AGK: variants seen among roughly 807,000 people sequenced by gnomAD.
The protein encoded by AGK is acylglycerol kinase.
In AGK, 52 loss-of-function variants were observed where a neutral mutation model predicts 66.4. The observed-to-expected ratio is 0.78, with a 90% CI of 0.63 to 0.99. The LOEUF is 0.99. AGK is among the 50% of genes least tolerant of loss of function. The probability of loss-of-function intolerance (pLI) is 0.00; values close to 1 mark genes in which losing one functional copy is unlikely to be tolerated. For synonymous variants in AGK, 182 were observed against 181.1 expected, an observed-to-expected ratio of 1.00 and a Z score of -0.04; for missense variants, 451 against 506.6, an observed-to-expected ratio of 0.89 and a Z score of 1.05.
rs1431769820 is a variant in AGK, at chr7:141,591,109, T to G, written c.102-2037T>G. ...TTTTTTTTTTTTTTTTTTTTTTTTT[T>G]GAGACAGAGTCTCACTCTGTAGCCC... On this transcript the variant is annotated intron_variant, in intron 2 of 15. Coordinates refer to ENST00000649286, the MANE Select transcript of AGK (RefSeq NM_018238.4). Among the ~76,000 whole-genome samples, 66 of 98,674 alleles carry G rather than the reference T, an allele frequency of 6.7e-4. No individual in the cohort carries two copies. In the East Asian group the frequency reaches 0.016, roughly 23 times the overall value. The allele number at this position is 98,674 out of a possible 152,430, so 64.7% of individuals were successfully genotyped here. A position where few individuals can be genotyped will look rare whatever the true frequency, so the allele number is the denominator to read the frequency against.
chr7:141,652,267 G>A (rs1220540888), intron 15 of AGK: 1 of 154,690 alleles, frequency 6.5e-6, no homozygotes, highest in Non-Finnish European at 1.4e-5. Flanking sequence ...AAATGCATGA[G>A]TTATGGAAGG....
intron 4 of AGK, among the ~76,000 whole-genome samples, chr7:141,599,952 A>G (rs1368031033): frequency 5.9e-5 from 9 of 152,224 alleles, no homozygotes; most frequent in Non-Finnish European, 1.3e-4. Context: ...CACAATAAGA[A>G]GTGATTTGTG....
At chr7:141,565,217 G>T (rs1399154890) in intron 2 of AGK, among the ~76,000 whole-genome samples, 1 of 152,074 alleles carries the variant, frequency 6.6e-6, no homozygotes, top group African/African-American at 2.4e-5. Flanking sequence ...TTGAATTCCA[G>T]ACCTGTATAT....
At chr7:141,638,923 G>A (rs1007444429) in intron 11 of AGK, among the ~76,000 whole-genome samples, 1 of 152,160 alleles carries the variant, frequency 6.6e-6, no homozygotes, top group African/African-American at 2.4e-5. Context: ...TGTCATAAGT[G>A]TGTGAGCGGT....
intron 2 of AGK, 36 bp from the exon 3 acceptor site, chr7:141,593,110 A>C: frequency 6.3e-7 from 1 of 1,581,132 alleles, no homozygotes; most frequent in East Asian, 2.2e-5. Context: ...TAATCTATTA[A>C]AGCTAATGAT....
In AGK at chr7:141,555,013, ATAT is replaced by A. The variant is rs1222680560; in HGVS notation, c.-14-432_-14-430del. 6.6e-6 allele frequency among the ~76,000 whole-genome samples: 1 copy of A among 151,690 alleles called. No homozygotes were observed. The highest frequency in any genetic ancestry group is 1.5e-5 in the Non-Finnish European group (1 of 68,012). ...TTCTTCTATTTTGAACTCGCCCTTC[ATAT>A]TATTATTTTTTGGGACACTTACATT... On this transcript the variant is annotated intron_variant, in intron 1 of 15. Transcript: ENST00000649286. The surrounding 1 kb of genome is among the most constrained non-coding windows in gnomAD (Gnocchi z 4.2).
rs141667215 is a variant in AGK, at chr7:141,641,706, C to T, written c.878-105C>T. The T allele has an allele frequency of 1.1e-5, 10 of 922,652 alleles. No individual in the cohort carries two copies. In the East Asian group the frequency reaches 2.6e-4, roughly 24 times the overall value. The allele number at this position is 922,652 out of a possible 1,614,324, so 57.2% of individuals were successfully genotyped here. The stretch of plus-strand genomic sequence containing the variant: ...ATAAATAAAATGAAGGCAGAGTCAG[C>T]AGAAAGGTTGAGAAGCTGAGCTGAG... On this transcript the variant is annotated intron_variant, in intron 12 of 15. Transcript: ENST00000649286.
Position 141,615,460 on chromosome 7 carries a change from TC to T in AGK, c.424-3del, listed in dbSNP as rs201762775. On this transcript the variant is annotated splice_polypyrimidine_tract_variant and intron_variant, in intron 7 of 15. Coordinates refer to ENST00000649286, the MANE Select transcript of AGK (RefSeq NM_018238.4). ...ATAACAATAAAACTTTCCTCTTCTTTCCCCCCCCAGGCTACCTTCAGTAAGA... is the reference window on the plus strand; with the variant it reads ...ATAACAATAAAACTTTCCTCTTCTTTCCCCCCCAGGCTACCTTCAGTAAGA... 61 of 1,599,994 alleles carry T rather than the reference TC, an allele frequency of 3.8e-5. No homozygotes were observed. Among genetic ancestry groups the T allele is most frequent in the Middle Eastern group, 3.3e-4 (2 of 6,050 alleles).
At chr7:141,620,566 CTGGAAACCACTT>C (rs71172610) in intron 8 of AGK, among the ~76,000 whole-genome samples, 52,772 of 151,346 alleles carry the variant, frequency 0.35, 10,705 homozygotes, top group East Asian at 0.54. Context: ...AAGACACACA[CTGGAAACCACTT>C]TGGAAACCAC....
In AGK at chr7:141,652,918, C is replaced by A. The variant is rs1166298575; in HGVS notation, c.1263C>A (p.Thr421=). The change falls in exon 16 of 16, where the codon ACC becomes ACA. Residue 421 remains threonine, a synonymous_variant. Transcript: ENST00000649286. ...GAGAACAGATGCTCACAAGCCCCACCCAGTGAGCAGCAGAAGACAAGCACT... is the reference window on the plus strand; with the variant it reads ...GAGAACAGATGCTCACAAGCCCCACACAGTGAGCAGCAGAAGACAAGCACT... ...RKREQMLTSP[T]Q 1 of 1,613,910 alleles carries A rather than the reference C, an allele frequency of 6.2e-7. No individual in the cohort carries two copies. Among genetic ancestry groups the A allele is most frequent in the Non-Finnish European group, 8.5e-7 (1 of 1,179,958 alleles).
chr7:141,647,060 C>T (rs994159440), intron 13 of AGK, among the ~76,000 whole-genome samples: 9 of 152,058 alleles, frequency 5.9e-5, no homozygotes, highest in African/African-American at 2.2e-4. Flanking sequence ...CTTCCTCCTC[C>T]TCTCTAACTA....
At chr7:141,589,064 C>T (rs1796053245) in intron 2 of AGK, among the ~76,000 whole-genome samples, 1 of 152,094 alleles carries the variant, frequency 6.6e-6, no homozygotes, top group South Asian at 2.1e-4. Context: ...AATGCCCTAC[C>T]TCCTGGGAAT....
intron 2 of AGK, among the ~76,000 whole-genome samples, chr7:141,592,379 T>C (rs1215245484): frequency 3.3e-5 from 5 of 152,224 alleles, no homozygotes; most frequent in Admixed American, 1.3e-4. Context: ...GTTGCATTTT[T>C]CTGACCATTC....
intron 2 of AGK, among the ~76,000 whole-genome samples, chr7:141,565,119 T>A (rs1000619801): frequency 1.3e-5 from 2 of 152,148 alleles, no homozygotes; most frequent in South Asian, 2.1e-4. Flanking sequence ...TTATATTCTC[T>A]TCCTGCATGA....
chr7:141,580,104 C>G (rs553090076), intron 2 of AGK, among the ~76,000 whole-genome samples: 17 of 152,026 alleles, frequency 1.1e-4, no homozygotes, highest in African/African-American at 3.9e-4. Context: ...GATGGAGGAC[C>G]CTTGCATAGT....
Position 141,621,751 on chromosome 7 carries a change from C to G in AGK, c.538C>G (p.Leu180Val). Reference sequence around the variant, plus strand: ...TTTTAGACATATTACTGATGCCACACTTGCCATTGTGAAAGGAGAGACAGT... The same window carrying G: ...TTTTAGACATATTACTGATGCCACAGTTGCCATTGTGAAAGGAGAGACAGT... ...NKVQHITDAT[L>V]AIVKGETVPL... The change falls in exon 9 of 16, where the codon CTT (leucine) becomes GTT (valine). Residue 180 changes from leucine to valine, a missense_variant. By Grantham distance (32) the Leu-to-Val change is conservative (BLOSUM62 1). Coordinates refer to ENST00000649286, the MANE Select transcript of AGK (RefSeq NM_018238.4). 1 of 1,613,380 alleles carries G rather than the reference C, an allele frequency of 6.2e-7. No homozygotes were observed. The highest frequency in any genetic ancestry group is 8.5e-7 in the Non-Finnish European group (1 of 1,179,548).
At chr7:141,564,584 G>C (rs1795426957) in intron 2 of AGK, among the ~76,000 whole-genome samples, 1 of 152,194 alleles carries the variant, frequency 6.6e-6, no homozygotes, top group Non-Finnish European at 1.5e-5. Flanking sequence ...TTCAGGATGA[G>C]ATTTGGTGGG....
chr7:141,574,202 T>G (rs975883506), intron 2 of AGK, among the ~76,000 whole-genome samples: 2 of 152,096 alleles, frequency 1.3e-5, no homozygotes, highest in African/African-American at 4.8e-5. Context: ...GACTGGACCA[T>G]GAAAGAATGT....
At chr7:141,623,408 GAAAA>G (rs372720202) in intron 9 of AGK, among the ~76,000 whole-genome samples, 1 of 136,738 alleles carries the variant, frequency 7.3e-6, no homozygotes, top group Non-Finnish European at 1.6e-5. Flanking sequence ...AAAAAAGAAA[GAAAA>G]AAAAAAAGAA....
Sources: allele counts gnomAD v4.1 joint callset (sites outside exome capture counted in the v4.1 genomes callset), GRCh38; gene constraint gnomAD v4.1.1; non-coding constraint Gnocchi (gnomAD v3.1); transcripts MANE v1.5; gene names NCBI Gene and HGNC (gene_info 2026-07-23, HGNC 2026-07-21).